The following RUVBL1 variants were observed in gnomAD, a reference collection of about 807,000 sequenced individuals.
The protein encoded by RUVBL1 is RuvB like AAA ATPase 1.
A neutral mutation model predicts 52.4 loss-of-function variants in RUVBL1; 4 were observed. The ratio of observed to expected loss-of-function variants is 0.08; its 90% CI spans 0.04 to 0.17. The LOEUF (loss-of-function observed/expected upper bound fraction) is 0.17. Ranked by LOEUF, RUVBL1 falls within the 10% of genes least tolerant of loss-of-function variation. The probability of loss-of-function intolerance (pLI) is 1.00; values close to 1 mark genes in which losing one functional copy is unlikely to be tolerated. For missense variants in RUVBL1, 298 were observed against 572.8 expected (o/e 0.52, Z 4.90); for synonymous variants, 217 against 214.4 (o/e 1.01, Z -0.10).
intron 1 of RUVBL1, among the ~76,000 whole-genome samples, chr3:128,150,569 C>CAT (rs1432485172): frequency 7.2e-6 from 1 of 139,252 alleles, no homozygotes; most frequent in African/African-American, 2.7e-5. Context: ...ATGTATATTC[C>CAT]ATATATATAT....
chr3:128,153,591 C>G (rs773830305), exon 1 of RUVBL1: 8 of 1,581,644 alleles, frequency 5.1e-6, no homozygotes, highest in Admixed American at 3.4e-5. Flanking sequence ...GGGCGCTAAG[C>G]ACCACAGCCT....
In RUVBL1 at chr3:128,067,624, C is replaced by T; in HGVS notation, c.940-2404G>A. ...CCTCTGCCAAAGATGTAAGTAGAAGCAAAACTTTCTGGAAGGGTGATGAAA... is the reference window on the plus strand; with the variant it reads ...CCTCTGCCAAAGATGTAAGTAGAAGTAAAACTTTCTGGAAGGGTGATGAAA... On this transcript the variant is annotated intron_variant, in intron 9 of 9. Coordinates refer to the RUVBL1 transcript ENST00000464873. This position sits in a 1 kb window ranked among gnomAD's most constrained non-coding sequence, Gnocchi z 4.1. 1 of 1,598,536 alleles carries T rather than the reference C, an allele frequency of 6.3e-7. No individual in the cohort carries two copies. Among genetic ancestry groups the T allele is most frequent in the Non-Finnish European group, 8.5e-7 (1 of 1,170,456 alleles).
intron 4 of RUVBL1, among the ~76,000 whole-genome samples, chr3:128,104,511 CTTAA>C (rs1553727365): frequency 3.9e-5 from 6 of 152,196 alleles, no homozygotes; most frequent in Admixed American, 6.5e-5. Flanking sequence ...AGTTTCTTGA[CTTAA>C]CCACACAGCT....
chr3:128,097,765 T>G (rs953543624), intron 7 of RUVBL1, among the ~76,000 whole-genome samples: 6 of 152,214 alleles, frequency 3.9e-5, no homozygotes, highest in African/African-American at 7.2e-5. Flanking sequence ...ACAGGTGTTC[T>G]GCATGGGAAT....
At chr3:128,136,462 C>CA (rs1322973389) in intron 1 of RUVBL1, among the ~76,000 whole-genome samples, 1 of 151,762 alleles carries the variant, frequency 6.6e-6, no homozygotes, top group Non-Finnish European at 1.5e-5. Context: ...CCCATCTCTA[C>CA]AAAAAATACA....
intron 9 of RUVBL1, among the ~76,000 whole-genome samples, chr3:128,087,283 T>C (rs150262019): frequency 6.6e-6 from 1 of 152,366 alleles, no homozygotes; most frequent in Non-Finnish European, 1.5e-5. Flanking sequence ...AGCCTGGCCT[T>C]GTCCTCTGAG....
chr3:128,121,706 G>A (rs1407299198), intron 1 of RUVBL1, among the ~76,000 whole-genome samples: 72 of 56,052 alleles, frequency 1.3e-3, no homozygotes, highest in Non-Finnish European at 1.9e-3. Flanking sequence ...GCAAAACTTC[G>A]TCTCAAAAAA....
upstream of RUVBL1, among the ~76,000 whole-genome samples, chr3:128,127,284 G>A (rs1943807532): frequency 6.6e-6 from 1 of 152,176 alleles, no homozygotes; most frequent in Admixed American, 6.5e-5. Context: ...TGTGGGTACT[G>A]AAAATCCATA....
chr3:128,066,917 G>A, intron 9 of RUVBL1: 1 of 1,604,934 alleles, frequency 6.2e-7, no homozygotes, highest in Non-Finnish European at 8.5e-7. Flanking sequence ...GCTGAAATGA[G>A]GCAGTGAAGG....
chr3:128,153,598 G>T, exon 1 of RUVBL1: 1 of 1,589,212 alleles, frequency 6.3e-7, no homozygotes. Flanking sequence ...AAGCACCACA[G>T]CCTCCACCGC....
chr3:128,146,692 T>A (rs908224229), intron 1 of RUVBL1, among the ~76,000 whole-genome samples: 2 of 150,884 alleles, frequency 1.3e-5, no homozygotes, highest in African/African-American at 4.9e-5. Flanking sequence ...TCTGTGTGCA[T>A]GCACATGTGT....
intron 2 of RUVBL1, 54 bp from the exon 3 acceptor site, chr3:128,113,074 C>T: frequency 6.3e-7 from 1 of 1,593,758 alleles, no homozygotes; most frequent in Non-Finnish European, 8.5e-7. Context: ...CATGACAGTT[C>T]AGAAACACAT....
At chr3:128,089,202 C>G (rs1942751634) in intron 8 of RUVBL1, among the ~76,000 whole-genome samples, 1 of 152,214 alleles carries the variant, frequency 6.6e-6, no homozygotes, top group South Asian at 2.1e-4. Flanking sequence ...CCATCTTTTG[C>G]CTATTTTTCT....
At chr3:128,115,611 A>G (rs146745892) in intron 2 of RUVBL1, among the ~76,000 whole-genome samples, 1,609 of 152,262 alleles carry the variant, frequency 0.011, 23 homozygotes, top group African/African-American at 0.037. Context: ...CACTTCTCAT[A>G]TTTCCTGGGA....
chr3:128,079,299 CAGA>C (rs1942409777), downstream of RUVBL1, among the ~76,000 whole-genome samples: 1 of 152,228 alleles, frequency 6.6e-6, no homozygotes, highest in African/African-American at 2.4e-5. Flanking sequence ...AATGCCAACA[CAGA>C]AGGAGGCAGT....
intron 1 of RUVBL1, among the ~76,000 whole-genome samples, chr3:128,130,100 A>G (rs946571577): frequency 4.6e-5 from 7 of 152,232 alleles, no homozygotes; most frequent in Admixed American, 1.3e-4. Context: ...AAATAAAAAA[A>G]CTAAAAGTTG....
exon 1 of RUVBL1, chr3:128,153,327 AC>A: frequency 1.5e-6 from 2 of 1,372,052 alleles, no homozygotes; most frequent in Non-Finnish European, 1.9e-6. Context: ...TTCCTAGACC[AC>A]CCACTCGGAG....
At chr3:128,102,630 T>G (rs1357609678) in intron 4 of RUVBL1, among the ~76,000 whole-genome samples, 2 of 152,228 alleles carry the variant, frequency 1.3e-5, no homozygotes, top group African/African-American at 4.8e-5. Context: ...ATATGAAATG[T>G]CCAAAAGAAG....
intron 1 of RUVBL1, among the ~76,000 whole-genome samples, chr3:128,144,997 G>T (rs779816369): frequency 2.0e-5 from 3 of 152,122 alleles, no homozygotes; most frequent in Non-Finnish European, 1.5e-5. Flanking sequence ...TCATTGTGAG[G>T]GGGGAGCCTG....
Sources: allele counts gnomAD v4.1 joint callset (sites outside exome capture counted in the v4.1 genomes callset), GRCh38; gene constraint gnomAD v4.1.1; non-coding constraint Gnocchi (gnomAD v3.1); transcripts MANE v1.5; gene names NCBI Gene and HGNC (gene_info 2026-07-23, HGNC 2026-07-21).